SORCS3: variants seen among roughly 807,000 people sequenced by gnomAD.
SORCS3 encodes the protein VPS10 domain-containing receptor SorCS3.
A neutral mutation model predicts 146.3 loss-of-function variants in SORCS3; 57 were observed. The ratio of observed to expected loss-of-function variants is 0.39; its 90% CI spans 0.31 to 0.49. The LOEUF (loss-of-function observed/expected upper bound fraction) is 0.49. SORCS3 is among the 20% of genes least tolerant of loss of function. The pLI, the probability that SORCS3 is intolerant of heterozygous loss-of-function variation, is 0.92. For synonymous variants in SORCS3, 653 were observed against 618.5 expected, an observed-to-expected ratio of 1.06 and a Z score of -0.83; for missense variants, 1,341 against 1,575.5, an observed-to-expected ratio of 0.85 and a Z score of 2.52.
chr10:104,933,551 C>T (rs2133612628), intron 3 of SORCS3, among the ~76,000 whole-genome samples: 2 of 152,174 alleles, frequency 1.3e-5, no homozygotes, highest in East Asian at 3.9e-4. Flanking sequence ...GAGAGGGATA[C>T]TGTAACAAAA....
intron 4 of SORCS3, among the ~76,000 whole-genome samples, chr10:105,004,142 C>T (rs889518262): frequency 1.3e-5 from 2 of 152,140 alleles, no homozygotes; most frequent in African/African-American, 2.4e-5. Flanking sequence ...AGAGTGGGTA[C>T]AGTGCAGCTG....
chr10:104,712,257 C>T (rs1024769343), intron 1 of SORCS3, among the ~76,000 whole-genome samples: 2 of 152,128 alleles, frequency 1.3e-5, no homozygotes, highest in Admixed American at 1.3e-4. Flanking sequence ...CCTTGACCTG[C>T]CTGTTGCCAC....
chr10:104,779,955 G>T (rs949639123), intron 1 of SORCS3, among the ~76,000 whole-genome samples: 12 of 152,114 alleles, frequency 7.9e-5, no homozygotes, highest in African/African-American at 2.9e-4. Flanking sequence ...TCATTAACCT[G>T]TCATTCATCC....
intron 4 of SORCS3, among the ~76,000 whole-genome samples, chr10:105,035,040 A>C (rs769149937): frequency 3.5e-4 from 54 of 152,198 alleles, no homozygotes; most frequent in Non-Finnish European, 7.1e-4. Flanking sequence ...TATCATGAGG[A>C]TATCACTGCT....
Position 105,262,468 on chromosome 10 carries a change from A to G in SORCS3, c.3581A>G (p.Lys1194Arg), listed in dbSNP as rs538708350. ...DFTEPEELLD[K>R]ELDTRVIGGI... ...ACGGAGCCTGAGGAGCTGCTGGACA[A>G]AGAGCTGGACACGCGGGTCATAGGT... The change falls in exon 26 of 27, where the codon AAA (lysine) becomes AGA (arginine). Residue 1194 changes from lysine (K) to arginine (R), a missense_variant. Coordinates refer to ENST00000369701, the MANE Select transcript of SORCS3 (RefSeq NM_014978.3). The G allele has an allele frequency of 4.3e-6, 7 of 1,613,902 alleles. No homozygotes were observed. In the East Asian group the frequency reaches 1.6e-4, roughly 36 times the overall value.
chr10:104,651,697 G>T (rs924647791), intron 1 of SORCS3, among the ~76,000 whole-genome samples: 1 of 151,936 alleles, frequency 6.6e-6, no homozygotes, highest in Non-Finnish European at 1.5e-5. Flanking sequence ...GACAGAGTGA[G>T]ACTCCGTCTC....
chr10:104,807,193 G>T (rs1464311972), intron 1 of SORCS3, among the ~76,000 whole-genome samples: 1 of 151,792 alleles, frequency 6.6e-6, no homozygotes, highest in East Asian at 1.9e-4. Context: ...CTGTGTGTGT[G>T]TGCGCATGTG....
At chr10:105,047,272 C>T (rs1467861753) in intron 5 of SORCS3, among the ~76,000 whole-genome samples, 5 of 152,050 alleles carry the variant, frequency 3.3e-5, no homozygotes, top group Non-Finnish European at 7.4e-5. Context: ...TGTGCTAGGC[C>T]TTCCAGAATT....
intron 2 of SORCS3, among the ~76,000 whole-genome samples, chr10:104,849,167 T>A (rs2018241363): frequency 6.6e-6 from 1 of 152,042 alleles, no homozygotes; most frequent in African/African-American, 2.4e-5. Flanking sequence ...TCCCAGCACT[T>A]TGGGAGGCTC....
chr10:105,244,533 G>A (rs1307548193), intron 20 of SORCS3, among the ~76,000 whole-genome samples: 1 of 152,066 alleles, frequency 6.6e-6, no homozygotes, highest in Non-Finnish European at 1.5e-5. Flanking sequence ...AATCCTCTGT[G>A]AATTCTGAGG....
chr10:104,995,253 G>A (rs892127453), intron 4 of SORCS3, among the ~76,000 whole-genome samples: 4 of 150,094 alleles, frequency 2.7e-5, no homozygotes, highest in African/African-American at 4.9e-5. Context: ...TTTGCCTCCC[G>A]GGTTCAAGCA....
intron 7 of SORCS3, among the ~76,000 whole-genome samples, chr10:105,119,262 A>G (rs2055914535): frequency 6.6e-6 from 1 of 152,162 alleles, no homozygotes; most frequent in Non-Finnish European, 1.5e-5. Context: ...CACAGAAGTC[A>G]AGAATTGAGG....
intron 6 of SORCS3, among the ~76,000 whole-genome samples, chr10:105,095,038 C>T (rs186405206): frequency 3.9e-4 from 60 of 152,256 alleles, no homozygotes; most frequent in Non-Finnish European, 3.2e-4. Flanking sequence ...TTATATTTCC[C>T]CCAGCTGCAG....
At position 105,143,730 on chromosome 10, in the gene SORCS3, G is replaced by A. The variant is rs114719948; in HGVS notation, c.1303-3887G>A. On this transcript the variant is annotated intron_variant, in intron 8 of 26. Transcript: ENST00000369701. ...CATAAGAGACTATTTAATTATAATT[G>A]TAATGAGTGCTATAAAGGAAAAGAG... Among the ~76,000 whole-genome samples the A allele has an allele frequency of 7.0e-3, 1,071 of 152,206 alleles. 19 individuals carry two copies. The highest frequency in any genetic ancestry group is 0.025 in the African/African-American group (1,018 of 41,528).
At chr10:104,720,011 A>G (rs948662863) in intron 1 of SORCS3, among the ~76,000 whole-genome samples, 20 of 151,832 alleles carry the variant, frequency 1.3e-4, no homozygotes, top group African/African-American at 4.8e-4. Flanking sequence ...GTTTTAGGGT[A>G]CATGTGCACA....
At chr10:105,085,125 G>A (rs549585554) in intron 5 of SORCS3, among the ~76,000 whole-genome samples, 4 of 152,252 alleles carry the variant, frequency 2.6e-5, no homozygotes, top group Non-Finnish European at 2.9e-5. Flanking sequence ...CCACAACTGT[G>A]TGAGAGTGTT....
intron 7 of SORCS3, among the ~76,000 whole-genome samples, chr10:105,119,991 C>T (rs2055920254): frequency 6.6e-6 from 1 of 152,064 alleles, no homozygotes; most frequent in Admixed American, 6.5e-5. Flanking sequence ...TGGGAGGGGC[C>T]AGGGGCAGAA....
At chr10:105,103,551 T>C (rs546727151) in intron 6 of SORCS3, among the ~76,000 whole-genome samples, 1 of 152,252 alleles carries the variant, frequency 6.6e-6, no homozygotes, top group Admixed American at 6.5e-5. Flanking sequence ...CAAGAAAGTG[T>C]CCCAGGCAAA....
chr10:105,005,290 G>T (rs1367441044), intron 4 of SORCS3, among the ~76,000 whole-genome samples: 4 of 152,110 alleles, frequency 2.6e-5, no homozygotes, highest in Non-Finnish European at 4.4e-5. Flanking sequence ...GTTAAAAGTG[G>T]ATATTCACTG....
Sources: gnomAD v4.1 joint callset for allele counts (sites outside exome capture counted in the v4.1 genomes callset) on GRCh38, gnomAD v4.1.1 for gene constraint, MANE v1.5 for transcripts, NCBI Gene and HGNC (gene_info 2026-07-23, HGNC 2026-07-21) for gene names.